GLRX5: variants seen among roughly 807,000 people sequenced by gnomAD.
The protein encoded by GLRX5 is glutaredoxin 5, also known as glutaredoxin-related protein 5, mitochondrial.
Under a neutral mutation model 13.8 loss-of-function variants are expected in GLRX5, and 10 were observed. The observed-to-expected ratio is 0.72, with a 90% CI of 0.45 to 1.23. The LOEUF (loss-of-function observed/expected upper bound fraction) is 1.23, where lower values mean the gene tolerates loss of function less well. Among genes scored for constraint, GLRX5 ranks in the 50% most tolerant of loss-of-function variants. The pLI is 0.00. For synonymous variants in GLRX5, 98 were observed against 101.1 expected (o/e 0.97, Z 0.18); for missense variants, 233 against 215.2 (o/e 1.08, Z -0.52).
rs1891515581 is a variant in GLRX5 at position 95,543,958 on chromosome 14, T to G, written c.307T>G (p.Tyr103Asp). The change falls in exon 2 of 2, where the codon TAT becomes GAT. Residue 103 changes from tyrosine (Y) to aspartate (D), a missense_variant. Transcript: ENST00000331334. ...DPELRQGIKD[Y>D]SNWPTIPQVY... ...TTCTTTCTCCATAGGCATTAAAGACTATTCCAACTGGCCCACCATCCCGCA... is the reference window on the plus strand; with the variant it reads ...TTCTTTCTCCATAGGCATTAAAGACGATTCCAACTGGCCCACCATCCCGCA... The G allele has an allele frequency of 1.9e-6, 3 of 1,613,328 alleles. No homozygotes were observed. In the South Asian group the frequency reaches 3.3e-5, roughly 18 times the overall value.
At chr14:95,539,894 TA>T (rs143431534) in intron 1 of GLRX5, among the ~76,000 whole-genome samples, 27,627 of 83,440 alleles carry the variant, frequency 0.33, 2,819 homozygotes, top group South Asian at 0.49. Context: ...TATATATATA[TA>T]TATTTTTTTT....
chr14:95,540,521 TGTGCCTTGCCCACTCTGCCCC>T, intron 1 of GLRX5, among the ~76,000 whole-genome samples: 1 of 152,250 alleles, frequency 6.6e-6, no homozygotes, highest in Non-Finnish European at 1.5e-5. Flanking sequence ...TCCTTAAGCC[TGTGCCTTGCCCACTCTGCCCC>T]GTGCCTTGCT....
At position 95,544,421 on chromosome 14, in the gene GLRX5, TAGG is replaced by T. The variant is rs1891526049; in HGVS notation, c.*299_*301del. ...TTCTTTGCCTGATTCAGAAGTTAAA[TAGG>T]AGCTTTGGAATCATTATTCATGACC... On this transcript the variant is annotated 3_prime_UTR_variant, in exon 2 of 2. Transcript: ENST00000331334. The T allele has an allele frequency of 2.7e-6, 1 of 375,456 alleles. No homozygotes were observed. The highest frequency in any genetic ancestry group is 4.0e-5 in the Admixed American group (1 of 25,052). The allele number at this position is 375,456 out of a possible 1,614,324, so 23.3% of individuals were successfully genotyped here. A position where few individuals can be genotyped will look rare whatever the true frequency, so the allele number is the denominator to read the frequency against.
intron 1 of GLRX5, among the ~76,000 whole-genome samples, chr14:95,535,895 A>G (rs1421685288): frequency 6.6e-6 from 1 of 152,124 alleles, no homozygotes; most frequent in Non-Finnish European, 1.5e-5. Flanking sequence ...GTGAGGTCGG[A>G]GGCTGATCTC....
intron 1 of GLRX5, among the ~76,000 whole-genome samples, chr14:95,542,265 T>C (rs559041518): frequency 3.9e-5 from 6 of 152,356 alleles, no homozygotes; most frequent in African/African-American, 1.4e-4. Flanking sequence ...GTCTAGATAT[T>C]TGGCATTATA....
In GLRX5 at chr14:95,544,603, C is replaced by G. The variant is rs1323607447; in HGVS notation, c.*478C>G. Reference sequence around the variant, plus strand: ...TCCAGCACAGGGATGCTGTGCATGCCTGAGTTGATTCCGAAGTGCATATGT... The same window carrying G: ...TCCAGCACAGGGATGCTGTGCATGCGTGAGTTGATTCCGAAGTGCATATGT... On this transcript the variant is annotated 3_prime_UTR_variant, in exon 2 of 2. Transcript: ENST00000331334. The G allele has an allele frequency of 5.5e-6, 1 of 181,258 alleles. No individual in the cohort carries two copies. Among genetic ancestry groups the G allele is most frequent in the Non-Finnish European group, 1.2e-5 (1 of 84,724 alleles). 11.2% of individuals were successfully genotyped at this position (181,258 alleles called of 1,614,324 possible). A position where few individuals can be genotyped will look rare whatever the true frequency, so the allele number is the denominator to read the frequency against.
At chr14:95,543,019 C>T (rs60849464) in intron 1 of GLRX5, 12,404 of 455,954 alleles carry the variant, frequency 0.027, 1,324 homozygotes, top group African/African-American at 0.22. Context: ...TGCACAGCTG[C>T]GCTGTCACAG....
chr14:95,540,936 A>G (rs1891463509), intron 1 of GLRX5, among the ~76,000 whole-genome samples: 1 of 152,214 alleles, frequency 6.6e-6, no homozygotes, highest in African/African-American at 2.4e-5. Flanking sequence ...ACTTTGGAAT[A>G]TGAATTTGTT....
At chr14:95,543,806 C>A in intron 1 of GLRX5, 141 bp from the exon 2 acceptor site, 1 of 728,418 alleles carries the variant, frequency 1.4e-6, no homozygotes, top group Non-Finnish European at 2.5e-6. Flanking sequence ...CTCTTAGTGG[C>A]AAGCACAGTG....
intron 1 of GLRX5, among the ~76,000 whole-genome samples, chr14:95,541,763 A>G (rs1891476990): frequency 6.6e-6 from 1 of 152,254 alleles, no homozygotes; most frequent in South Asian, 2.1e-4. Flanking sequence ...AAAGTGATTG[A>G]TGAAAAGCAA....
chr14:95,541,009 A>G (rs1412681573), intron 1 of GLRX5, among the ~76,000 whole-genome samples: 1 of 152,186 alleles, frequency 6.6e-6, no homozygotes, highest in South Asian at 2.1e-4. Context: ...ATAGCCTCCT[A>G]ACTCCCAGTT....
In GLRX5 at chr14:95,542,897, A is replaced by G. The variant is rs1300479592; in HGVS notation, c.296-1050A>G. ...TACAAGTAGAAAAGGAAGTAGACTG[A>G]TGAAGAGGAATGTTAAGAGTAATCT... On this transcript the variant is annotated intron_variant, in intron 1 of 1. Transcript: ENST00000331334. 14 of 382,288 alleles carry G rather than the reference A, an allele frequency of 3.7e-5. No homozygotes were observed. In the Admixed American group the frequency reaches 4.0e-4, roughly 11 times the overall value. 23.7% of individuals were successfully genotyped at this position (382,288 alleles called of 1,614,324 possible). A position where few individuals can be genotyped will look rare whatever the true frequency, so the allele number is the denominator to read the frequency against.
Position 95,535,193 on chromosome 14 carries a change from G to A in GLRX5, c.104G>A (p.Gly35Asp). Residue 35 changes from glycine (G) to aspartate (D), a missense_variant, in exon 1 of 2, where the codon GGC becomes GAC. Transcript: ENST00000331334. ...CCGGGCGTGCGGGCGGCGGGCTCGG[G>A]CGCGGGCGGCGGCGGCTCGGCGGAG... ...WGPGVRAAGS[G>D]AGGGGSAEQL... The A allele has an allele frequency of 6.7e-7, 1 of 1,502,882 alleles. No individual in the cohort carries two copies. Among genetic ancestry groups the A allele is most frequent in the Non-Finnish European group, 8.9e-7 (1 of 1,125,052 alleles). 93.1% of individuals were successfully genotyped at this position (1,502,882 alleles called of 1,614,324 possible). A position where few individuals can be genotyped will look rare whatever the true frequency, so the allele number is the denominator to read the frequency against.
rs1255485715 is a variant in GLRX5 at position 95,535,169 on chromosome 14, C to G, written c.80C>G (p.Pro27Arg). Residue 27 changes from proline (P) to arginine (R), a missense_variant, in exon 1 of 2, where the codon CCG (proline) becomes CGG (arginine). Transcript: ENST00000331334. ...GCGGGCGGCGGTGGCCTTTGGGGTC[C>G]GGGCGTGCGGGCGGCGGGCTCGGGC... ...RGAGGGGLWG[P>R]GVRAAGSGAG... 2.1e-6 allele frequency: 3 copies of G among 1,451,016 alleles called. No individual in the cohort carries two copies. Among genetic ancestry groups the G allele is most frequent in the South Asian group, 2.7e-5 (2 of 73,278 alleles). The allele number at this position is 1,451,016 out of a possible 1,614,324, so 89.9% of individuals were successfully genotyped here. A position where few individuals can be genotyped will look rare whatever the true frequency, so the allele number is the denominator to read the frequency against.
chr14:95,535,705 C>G (rs190961288), intron 1 of GLRX5, among the ~76,000 whole-genome samples: 1 of 152,130 alleles, frequency 6.6e-6, no homozygotes, highest in African/African-American at 2.4e-5. Flanking sequence ...ATGACTGACT[C>G]GGAGGAGGGT....
chr14:95,535,735 C>G (rs182630907), intron 1 of GLRX5, among the ~76,000 whole-genome samples: 1 of 152,310 alleles, frequency 6.6e-6, no homozygotes, highest in East Asian at 1.9e-4. Flanking sequence ...CCTGACTGCT[C>G]TGCACGGTTA....
chr14:95,540,764 A>G (rs903821366), intron 1 of GLRX5, among the ~76,000 whole-genome samples: 13 of 152,236 alleles, frequency 8.5e-5, no homozygotes, highest in Non-Finnish European at 8.8e-5. Flanking sequence ...CTACCAGGAA[A>G]AATAAAAAGA....
chr14:95,535,539 C>T (rs1891357162), intron 1 of GLRX5, among the ~76,000 whole-genome samples, 155 bp downstream of exon 1: 1 of 152,216 alleles, frequency 6.6e-6, no homozygotes, highest in Non-Finnish European at 1.5e-5. Flanking sequence ...AGGAGTACTG[C>T]CCTGGAGTAG....
chr14:95,543,108 C>T (rs1278928892), intron 1 of GLRX5: 1 of 456,004 alleles, frequency 2.2e-6, no homozygotes, highest in Admixed American at 2.3e-5. Context: ...GGTTTCTTGG[C>T]TGCTGTGAGC....
Sources: allele counts gnomAD v4.1 joint callset (sites outside exome capture counted in the v4.1 genomes callset), GRCh38; gene constraint gnomAD v4.1.1; transcripts MANE v1.5; gene names NCBI Gene and HGNC (gene_info 2026-07-23, HGNC 2026-07-21).